NRXN3: variants seen among roughly 807,000 people sequenced by gnomAD.
The protein encoded by NRXN3 is neurexin 3, also known as neurexin III.
In NRXN3, 32 loss-of-function variants were observed where a neutral mutation model predicts 137.6. The observed-to-expected ratio is 0.23, with a 90% CI of 0.18 to 0.31. NRXN3 has a LOEUF of 0.31. NRXN3 is among the 10% of genes least tolerant of loss of function. The probability of loss-of-function intolerance (pLI) is 1.00; values close to 1 mark genes in which losing one functional copy is unlikely to be tolerated. For synonymous variants in NRXN3, 798 were observed against 784.5 expected, an observed-to-expected ratio of 1.02 and a Z score of -0.29; for missense variants, 1,574 against 2,062.5, an observed-to-expected ratio of 0.76 and a Z score of 4.59.
intron 10 of NRXN3, among the ~76,000 whole-genome samples, chr14:78,860,875 G>A: frequency 6.6e-6 from 1 of 152,114 alleles, no homozygotes; most frequent in South Asian, 2.1e-4. Context: ...GGAAGGAGAG[G>A]CGAAGGAGGC....
At chr14:78,892,764 C>T (rs2099162725) in intron 10 of NRXN3, among the ~76,000 whole-genome samples, 1 of 136,914 alleles carries the variant, frequency 7.3e-6, no homozygotes, top group Admixed American at 7.2e-5. Flanking sequence ...CTCGGTAATG[C>T]CCCCATCTTC....
At chr14:78,231,376 T>G (rs772410933) in intron 1 of NRXN3, 3 of 152,398 alleles carry the variant, frequency 2.0e-5, no homozygotes, top group South Asian at 2.1e-4. Flanking sequence ...TCCTGACTAC[T>G]TGCTATGAAT....
At position 78,642,911 on chromosome 14, in the gene NRXN3, A is replaced by G. The variant is rs2097649509; in HGVS notation, c.758-2209A>G. Among the ~76,000 whole-genome samples the G allele has an allele frequency of 3.3e-5, 5 of 152,194 alleles. No individual in the cohort carries two copies. The South Asian group carries it at 1.0e-3, about 32-fold the overall frequency. ...TGAGTTATGGGCTAACTACTTATAC[A>G]TGTGCAAGCTACCCTGTGAGCATTT... On this transcript the variant is annotated intron_variant, in intron 4 of 20. Coordinates refer to ENST00000335750, the MANE Select transcript of NRXN3 (RefSeq NM_001330195.2).
intron 16 of NRXN3, among the ~76,000 whole-genome samples, chr14:79,582,553 TG>T (rs2097726474): frequency 1.3e-5 from 2 of 152,066 alleles, no homozygotes; most frequent in South Asian, 4.1e-4. Context: ...CCCGAGTAGC[TG>T]GGACTACAGG....
At chr14:79,208,743 A>G (rs1245588222) in intron 15 of NRXN3, among the ~76,000 whole-genome samples, 1 of 152,150 alleles carries the variant, frequency 6.6e-6, no homozygotes, top group Non-Finnish European at 1.5e-5. Context: ...AAAATGTTTT[A>G]TTAATCATAT....
In NRXN3 at chr14:79,566,748, C is replaced by CA. The variant is rs2097554119; in HGVS notation, c.3445-97023dup. Among the ~76,000 whole-genome samples, 4 of 151,842 alleles carry CA rather than the reference C, an allele frequency of 2.6e-5. No individual in the cohort carries two copies. In the South Asian group the frequency reaches 8.3e-4, roughly 32 times the overall value. ...TTATTTATTTTTACCTCCTCCGATA[C>CA]AAAAAAATGTAAATAACCCTCAATG... On this transcript the variant is annotated intron_variant, in intron 16 of 20. Coordinates refer to ENST00000335750, the MANE Select transcript of NRXN3 (RefSeq NM_001330195.2).
chr14:78,435,018 A>G (rs1442891105), intron 4 of NRXN3, among the ~76,000 whole-genome samples: 3 of 152,194 alleles, frequency 2.0e-5, no homozygotes, highest in Non-Finnish European at 2.9e-5. Flanking sequence ...TGCCCCTTCT[A>G]TGGGAACTTG....
chr14:78,201,458 A>G (rs1186576494), intron 1 of NRXN3, among the ~76,000 whole-genome samples: 1 of 152,088 alleles, frequency 6.6e-6, no homozygotes, highest in African/African-American at 2.4e-5. Context: ...TGGTGCAGAA[A>G]AGGTGGTGAG....
intron 4 of NRXN3, among the ~76,000 whole-genome samples, chr14:78,581,425 G>GTCCTCACA (rs1344688573): frequency 1.3e-5 from 2 of 152,150 alleles, no homozygotes; most frequent in African/African-American, 2.4e-5. Context: ...GGCATACTGT[G>GTCCTCACA]TCCTCACATA....
chr14:79,619,121 A>G (rs2098193818), intron 16 of NRXN3, among the ~76,000 whole-genome samples: 1 of 152,100 alleles, frequency 6.6e-6, no homozygotes, highest in South Asian at 2.1e-4. Context: ...TTAAATGCAT[A>G]GTTTACAAAT....
chr14:78,285,689 A>T (rs1276251837), intron 3 of NRXN3, among the ~76,000 whole-genome samples: 1 of 152,150 alleles, frequency 6.6e-6, no homozygotes, highest in Non-Finnish European at 1.5e-5. Flanking sequence ...AGTGCTTAGG[A>T]CTCAGCTCTT....
intron 1 of NRXN3, among the ~76,000 whole-genome samples, chr14:78,175,932 C>T (rs1177748603): frequency 6.6e-6 from 1 of 152,176 alleles, no homozygotes; most frequent in Non-Finnish European, 1.5e-5. Context: ...TAAGATGGAT[C>T]TCGTCTCTTT....
At chr14:78,982,506 AT>A (rs60153064) in intron 14 of NRXN3, among the ~76,000 whole-genome samples, 22,643 of 150,488 alleles carry the variant, frequency 0.15, 2,553 homozygotes, top group African/African-American at 0.32. Context: ...TGGTTAACTG[AT>A]TTTTTTTTTA....
At chr14:78,679,269 C>T (rs1159491) in intron 6 of NRXN3, among the ~76,000 whole-genome samples, 129,739 of 152,148 alleles carry the variant, frequency 0.85, 57,733 homozygotes, top group Non-Finnish European at 0.97. Context: ...ATGGAGTCTG[C>T]CAGATCAACA....
intron 16 of NRXN3, among the ~76,000 whole-genome samples, chr14:79,610,599 G>T (rs189662816): frequency 2.0e-5 from 3 of 152,154 alleles, no homozygotes; most frequent in Admixed American, 2.0e-4. Context: ...CTCCTGCACT[G>T]CCTAGTATAA....
chr14:79,679,386 T>A (rs2098657838), intron 17 of NRXN3, among the ~76,000 whole-genome samples: 1 of 152,178 alleles, frequency 6.6e-6, no homozygotes, highest in Admixed American at 6.6e-5. Flanking sequence ...ATATTACATA[T>A]AAAGTCATAT....
At chr14:79,104,673 A>G (rs1312597232) in intron 15 of NRXN3, among the ~76,000 whole-genome samples, 3 of 152,212 alleles carry the variant, frequency 2.0e-5, no homozygotes, top group Non-Finnish European at 4.4e-5. Flanking sequence ...ACTTCTCATT[A>G]GATGGCTATT....
chr14:79,001,063 G>A (rs1257271991), intron 15 of NRXN3, among the ~76,000 whole-genome samples: 1 of 152,090 alleles, frequency 6.6e-6, no homozygotes, highest in Non-Finnish European at 1.5e-5. Context: ...TGGTTTCCTA[G>A]GTAATATTTG....
At chr14:78,547,109 C>T (rs906809045) in intron 4 of NRXN3, among the ~76,000 whole-genome samples, 3 of 152,142 alleles carry the variant, frequency 2.0e-5, no homozygotes, top group African/African-American at 7.2e-5. Flanking sequence ...GCTCCCTGAT[C>T]TTTTCATCTA....
Sources: gnomAD v4.1 joint callset for allele counts (sites outside exome capture counted in the v4.1 genomes callset) on GRCh38, gnomAD v4.1.1 for gene constraint, MANE v1.5 for transcripts, NCBI Gene and HGNC (gene_info 2026-07-23, HGNC 2026-07-21) for gene names.